The following GABRA3 variants were observed in gnomAD, a reference collection of about 807,000 sequenced individuals.
The protein encoded by GABRA3 is gamma-aminobutyric acid receptor subunit alpha-3.
Under a neutral mutation model 30.1 loss-of-function variants are expected in GABRA3, and 10 were observed. The observed-to-expected ratio is 0.33, with a 90% CI of 0.20 to 0.56. GABRA3 has a LOEUF of 0.56. GABRA3 is among the 20% of genes least tolerant of loss of function. The probability of loss-of-function intolerance (pLI) is 0.89; values close to 1 mark genes in which losing one functional copy is unlikely to be tolerated. For synonymous variants in GABRA3, 151 were observed against 146.8 expected (o/e 1.03, Z -0.21); for missense variants, 233 against 392.0 (o/e 0.59, Z 3.42).
chrX:152,271,109 C>A (rs1938927862), intron 4 of GABRA3, among the ~76,000 whole-genome samples: 1 of 109,420 alleles, frequency 9.1e-6, no homozygotes, highest in Non-Finnish European at 1.9e-5. Context: ...ATTACAGGCA[C>A]CTGCTACCAT....
chrX:152,366,798 A>C (rs1928673057), intron 1 of GABRA3, among the ~76,000 whole-genome samples: 1 of 111,786 alleles, frequency 8.9e-6, no homozygotes, highest in South Asian at 3.7e-4. Context: ...GAATATATGT[A>C]TCATAGCAAC....
chrX:152,239,927 A>C (rs764421467), intron 5 of GABRA3, among the ~76,000 whole-genome samples: 14 of 100,888 alleles, frequency 1.4e-4, no homozygotes, highest in Admixed American at 1.4e-3. Flanking sequence ...CAGCACACTG[A>C]TGGGTCTTGA....
At chrX:152,388,779 A>G (rs934993512) in intron 1 of GABRA3, among the ~76,000 whole-genome samples, 1 of 112,299 alleles carries the variant, frequency 8.9e-6, no homozygotes, top group Non-Finnish European at 1.9e-5. Context: ...CAACCATGCA[A>G]AAGATTATAC....
chrX:152,443,838 A>G (rs984446014), intron 1 of GABRA3, among the ~76,000 whole-genome samples: 12 of 112,136 alleles, frequency 1.1e-4, no homozygotes, highest in African/African-American at 3.9e-4. Context: ...GATCTGTCAT[A>G]CAATTATGGT....
chrX:152,225,913 C>T (rs1937943125), intron 5 of GABRA3, among the ~76,000 whole-genome samples: 1 of 110,613 alleles, frequency 9.0e-6, no homozygotes, highest in South Asian at 3.8e-4. Context: ...ACCCATTCCC[C>T]CAATGGCTTC....
chrX:152,356,618 G>A (rs1200156135), intron 2 of GABRA3, among the ~76,000 whole-genome samples: 2 of 111,033 alleles, frequency 1.8e-5, no homozygotes, highest in Non-Finnish European at 3.8e-5. Context: ...TTAGGTTAGG[G>A]GATACATGTG....
intron 1 of GABRA3, among the ~76,000 whole-genome samples, chrX:152,425,752 A>T (rs976234254): frequency 8.2e-5 from 9 of 110,079 alleles, no homozygotes; most frequent in African/African-American, 3.0e-4. Context: ...TCGCACCTGG[A>T]GGAGAGCTGT....
intron 1 of GABRA3, among the ~76,000 whole-genome samples, chrX:152,419,756 A>G (rs899326680): frequency 2.4e-4 from 27 of 111,579 alleles, no homozygotes; most frequent in Admixed American, 2.2e-3. Flanking sequence ...TTTCATCCCA[A>G]TTCATTTTTC....
rs906712455 is a variant in GABRA3 at position 152,218,544 on chromosome X, T to C, written c.634+6219A>G. ...CTGCCTAGATGTTCTATCCATGTATTGAAAGTGGAATACTGAAATCTCTAA... is the reference window on the plus strand; with the variant it reads ...CTGCCTAGATGTTCTATCCATGTATCGAAAGTGGAATACTGAAATCTCTAA... On this transcript the variant is annotated intron_variant, in intron 6 of 9. Coordinates refer to ENST00000370314, the MANE Select transcript of GABRA3 (RefSeq NM_000808.4). 2.7e-5 allele frequency among the ~76,000 whole-genome samples: 3 copies of C among 111,388 alleles called. No individual in the cohort carries two copies. The Admixed American group carries it at 2.9e-4, about 11-fold the overall frequency.
At chrX:152,293,212 T>TTTATGAATCTGGGTGC (rs1208306181) in intron 3 of GABRA3, among the ~76,000 whole-genome samples, 1 of 111,372 alleles carries the variant, frequency 9.0e-6, no homozygotes, top group Admixed American at 9.5e-5. Context: ...CTCTAAGGAC[T>TTTATGAATCTGGGTGC]TCCTTTATGA....
chrX:152,173,981 C>T (rs1937038701), intron 9 of GABRA3, among the ~76,000 whole-genome samples: 1 of 109,667 alleles, frequency 9.1e-6, no homozygotes, highest in Admixed American at 9.8e-5. Flanking sequence ...TGATGTTCCC[C>T]TTCCTGTGCC....
intron 4 of GABRA3, among the ~76,000 whole-genome samples, chrX:152,263,952 A>T (rs1487546343): frequency 8.9e-6 from 1 of 112,088 alleles, no homozygotes; most frequent in African/African-American, 3.2e-5. Context: ...AAGTAAAAAA[A>T]CTTTTACCCT....
At position 152,263,583 on chromosome X, in the gene GABRA3, A is replaced by C. The variant is rs182598639; in HGVS notation, c.331-7585T>G. On this transcript the variant is annotated intron_variant, in intron 4 of 9. Coordinates refer to ENST00000370314, the MANE Select transcript of GABRA3 (RefSeq NM_000808.4). ...AATGAAGCATGCTTTCAAGAACAAG[A>C]AAATAGCCTCAAAAGGGCAAATCTA... is the stretch of plus-strand genomic sequence containing the variant. 4.9e-3 allele frequency among the ~76,000 whole-genome samples: 543 copies of C among 111,052 alleles called. 7 individuals are homozygous for C. Among genetic ancestry groups the C allele is most frequent in the African/African-American group, 0.017 (512 of 30,592 alleles).
chrX:152,251,768 C>G (rs953018939), intron 5 of GABRA3, among the ~76,000 whole-genome samples: 1 of 111,044 alleles, frequency 9.0e-6, no homozygotes, highest in Non-Finnish European at 1.9e-5. Flanking sequence ...AAGCATGCCT[C>G]TCTTCCATCT....
At chrX:152,235,796 G>C (rs5970234) in intron 5 of GABRA3, among the ~76,000 whole-genome samples, 29,798 of 109,223 alleles carry the variant, frequency 0.27, 3,546 homozygotes, top group African/African-American at 0.43. Flanking sequence ...AAGTGAGCTA[G>C]AGATTCAATG....
chrX:152,381,718 G>A (rs1390836861), intron 1 of GABRA3, among the ~76,000 whole-genome samples: 1 of 99,841 alleles, frequency 1.0e-5, no homozygotes, highest in Non-Finnish European at 2.0e-5. Context: ...ACCCACCAAC[G>A]GGCCCTGGTG....
intron 2 of GABRA3, among the ~76,000 whole-genome samples, chrX:152,351,579 C>T (rs1569404866): frequency 8.9e-6 from 1 of 112,133 alleles, no homozygotes; most frequent in African/African-American, 3.2e-5. Flanking sequence ...GATCTTCTAT[C>T]CACTAAAACT....
rs772676170 is a variant in GABRA3 at position 152,182,564 on chromosome X, T to A, written c.1143+7166A>T. 9.8e-5 allele frequency among the ~76,000 whole-genome samples: 3 copies of A among 30,492 alleles called. No homozygotes were observed. In the Admixed American group the frequency reaches 1.4e-3, roughly 14 times the overall value. The allele number at this position is 30,492 out of a possible 115,157, so 26.5% of individuals were successfully genotyped here. On this transcript the variant is annotated intron_variant, in intron 9 of 9. Coordinates refer to ENST00000370314, the MANE Select transcript of GABRA3 (RefSeq NM_000808.4). ...ATAGTGTATATATACACTATATATA[T>A]ACTATATATGCATATATAGTGTATA...
chrX:152,185,230 C>G (rs1360816676), intron 9 of GABRA3, among the ~76,000 whole-genome samples: 2 of 111,280 alleles, frequency 1.8e-5, no homozygotes, highest in Non-Finnish European at 3.8e-5. Flanking sequence ...AAGCAGAGCA[C>G]CTGTACATTA....
Sources: allele counts gnomAD v4.1 joint callset (sites outside exome capture counted in the v4.1 genomes callset), GRCh38; gene constraint gnomAD v4.1.1; transcripts MANE v1.5; gene names NCBI Gene and HGNC (gene_info 2026-07-23, HGNC 2026-07-21).